The following AGBL1 variants were observed in gnomAD, a reference collection of about 807,000 sequenced individuals.
AGBL1 encodes AGBL carboxypeptidase 1.
A neutral mutation model predicts 118.9 loss-of-function variants in AGBL1; 130 were observed. The observed-to-expected ratio is 1.09, with a 90% CI of 0.95 to 1.26. The LOEUF is 1.26. AGBL1 is among the 50% of genes most tolerant of loss of function. The pLI is 0.00. For missense variants in AGBL1, 1,584 were observed against 1,298.1 expected (o/e 1.22, Z -3.38); for synonymous variants, 555 against 478.9 (o/e 1.16, Z -2.08).
At chr15:86,189,168 C>A (rs982444048) in intron 5 of AGBL1, among the ~76,000 whole-genome samples, 1 of 152,182 alleles carries the variant, frequency 6.6e-6, no homozygotes, top group African/African-American at 2.4e-5. Flanking sequence ...TAGATGACTT[C>A]TGTGCTTTAA....
chr15:86,406,778 T>C (rs2081536006), intron 18 of AGBL1, among the ~76,000 whole-genome samples: 1 of 152,230 alleles, frequency 6.6e-6, no homozygotes, highest in African/African-American at 2.4e-5. Context: ...ATTTATAAAC[T>C]AACCACATCT....
intron 21 of AGBL1, among the ~76,000 whole-genome samples, chr15:86,644,944 C>T (rs774385975): frequency 2.0e-5 from 3 of 151,572 alleles, no homozygotes; most frequent in South Asian, 2.1e-4. Context: ...TTGCTTAAAC[C>T]GAGGAGGCGG....
chr15:86,399,306 A>T (rs16976771), intron 18 of AGBL1, among the ~76,000 whole-genome samples: 1 of 152,208 alleles, frequency 6.6e-6, no homozygotes, highest in Middle Eastern at 3.4e-3. Context: ...GAGCAGCCAA[A>T]GATTTTACTA....
At chr15:86,994,826 G>C (rs1347350939) in intron 24 of AGBL1, among the ~76,000 whole-genome samples, 1 of 152,176 alleles carries the variant, frequency 6.6e-6, no homozygotes, top group East Asian at 1.9e-4. Flanking sequence ...GTATATGTAA[G>C]ATTTAATTTC....
chr15:86,187,246 A>G (rs914422502), intron 5 of AGBL1, among the ~76,000 whole-genome samples: 1 of 152,200 alleles, frequency 6.6e-6, no homozygotes, highest in African/African-American at 2.4e-5. Flanking sequence ...TGATTTCTTT[A>G]CGAGGTTTTT....
rs1259102616 is a variant in AGBL1 at position 86,794,828 on chromosome 15, G to C, written c.3159-112259G>C. Among the ~76,000 whole-genome samples the C allele has an allele frequency of 2.6e-5, 4 of 152,142 alleles. No individual in the cohort carries two copies. In the East Asian group the frequency reaches 7.7e-4, roughly 29 times the overall value. ...AGTAACATTAGTCTTTCAGTGCTAA[G>C]CACAGTGCTGTATACAAGCAATGGA... On this transcript the variant is annotated intron_variant, in intron 22 of 22. Coordinates refer to ENST00000614907, the MANE Select transcript of AGBL1 (RefSeq NM_001386094.1).
chr15:86,884,287 G>T (rs567794211), intron 22 of AGBL1, among the ~76,000 whole-genome samples: 1 of 152,308 alleles, frequency 6.6e-6, no homozygotes, highest in East Asian at 1.9e-4. Context: ...TATACACAGG[G>T]TGGGTTCCCT....
chr15:86,677,890 G>A (rs2085877815), intron 22 of AGBL1, among the ~76,000 whole-genome samples: 1 of 152,138 alleles, frequency 6.6e-6, no homozygotes, highest in Non-Finnish European at 1.5e-5. Flanking sequence ...AATGAAATTA[G>A]GAAGACAGAC....
At chr15:86,245,417 C>A (rs368769822) in intron 6 of AGBL1, among the ~76,000 whole-genome samples, 1 of 152,094 alleles carries the variant, frequency 6.6e-6, no homozygotes, top group Non-Finnish European at 1.5e-5. Flanking sequence ...AGTGAGAGAA[C>A]GGAGCTACAA....
At chr15:86,585,037 A>G (rs1394792009) in intron 21 of AGBL1, among the ~76,000 whole-genome samples, 1 of 152,226 alleles carries the variant, frequency 6.6e-6, no homozygotes, top group Admixed American at 6.5e-5. Flanking sequence ...TTGACTTTGT[A>G]TCCTAAAACT....
chr15:86,433,552 G>A (rs1022215696), intron 18 of AGBL1, among the ~76,000 whole-genome samples: 16 of 152,038 alleles, frequency 1.1e-4, no homozygotes, highest in African/African-American at 2.4e-4. Context: ...AACTTTGACC[G>A]CCATTCACAT....
chr15:86,957,473 C>T (rs1459795422), intron 23 of AGBL1, among the ~76,000 whole-genome samples: 1 of 151,798 alleles, frequency 6.6e-6, no homozygotes, highest in Non-Finnish European at 1.5e-5. Context: ...TTTAGATATA[C>T]TGTGAGAATT....
intron 22 of AGBL1, among the ~76,000 whole-genome samples, chr15:86,761,704 T>G (rs1235496252): frequency 6.6e-6 from 1 of 152,142 alleles, no homozygotes; most frequent in Non-Finnish European, 1.5e-5. Flanking sequence ...TAAATTTGCT[T>G]AAGTTCCTTG....
intron 24 of AGBL1, among the ~76,000 whole-genome samples, chr15:87,010,564 G>A (rs1007692544): frequency 7.2e-5 from 11 of 152,114 alleles, no homozygotes; most frequent in African/African-American, 2.4e-4. Context: ...TCCTGCCCTT[G>A]GACCACACAA....
At chr15:86,957,879 C>G (rs139461713) in intron 23 of AGBL1, among the ~76,000 whole-genome samples, 1 of 151,822 alleles carries the variant, frequency 6.6e-6, no homozygotes. Flanking sequence ...TAATAAAAAA[C>G]CTAGTACAGT....
At chr15:86,086,886 C>T (rs907943076) in intron 1 of AGBL1, among the ~76,000 whole-genome samples, 2 of 152,098 alleles carry the variant, frequency 1.3e-5, no homozygotes, top group African/African-American at 4.8e-5. Flanking sequence ...GGGTAGTTTC[C>T]AATTTGGGGC....
chr15:86,888,640 G>C (rs1471753205), intron 22 of AGBL1, among the ~76,000 whole-genome samples: 2 of 152,048 alleles, frequency 1.3e-5, no homozygotes, highest in Admixed American at 6.6e-5. Flanking sequence ...AGATCTCATT[G>C]GGGATATACA....
chr15:86,343,812 T>C (rs1296864931), intron 17 of AGBL1, among the ~76,000 whole-genome samples: 1 of 152,228 alleles, frequency 6.6e-6, no homozygotes, highest in Admixed American at 6.5e-5. Flanking sequence ...CAGCAGGTCC[T>C]GCTGTTGCCG....
At chr15:86,749,118 G>A (rs1224797550) in intron 22 of AGBL1, among the ~76,000 whole-genome samples, 2 of 152,012 alleles carry the variant, frequency 1.3e-5, no homozygotes, top group African/African-American at 2.4e-5. Flanking sequence ...CCATTTTCAC[G>A]ATATTGATTC....
Sources: gnomAD v4.1 joint callset for allele counts (sites outside exome capture counted in the v4.1 genomes callset) on GRCh38, gnomAD v4.1.1 for gene constraint, MANE v1.5 for transcripts, NCBI Gene and HGNC (gene_info 2026-07-23, HGNC 2026-07-21) for gene names.